The following ZIC4 variants were observed in gnomAD, a reference collection of about 807,000 sequenced individuals.
ZIC4 encodes zinc finger protein ZIC 4.
ZIC4 carries 15 observed loss-of-function variants against 28.8 expected under a neutral mutation model. The ratio of observed to expected loss-of-function variants is 0.52; its 90% CI spans 0.35 to 0.80. ZIC4 has a LOEUF of 0.80. ZIC4 is among the 30% of genes least tolerant of loss of function. The pLI is 0.01. For synonymous variants in ZIC4, 220 were observed against 198.1 expected (o/e 1.11, Z -0.93); for missense variants, 512 against 467.1 (o/e 1.10, Z -0.89).
chr3:147,401,007 C>T (rs1302742833), intron 2 of ZIC4, among the ~76,000 whole-genome samples: 1 of 152,158 alleles, frequency 6.6e-6, no homozygotes, highest in Non-Finnish European at 1.5e-5. Context: ...ATCTCACAAC[C>T]CACAGATCTT....
rs1434460393 is a variant in ZIC4 at position 147,386,587 on chromosome 3, C to T, written c.*2272G>A. On this transcript the variant is annotated 3_prime_UTR_variant, in exon 5 of 5. Coordinates refer to ENST00000383075, the MANE Select transcript of ZIC4 (RefSeq NM_032153.6). ...TTCAGCACACACAGAGTAGGGGGACCAGCACATCCTTATTTATTTAAACCA... is the reference window on the plus strand; with the variant it reads ...TTCAGCACACACAGAGTAGGGGGACTAGCACATCCTTATTTATTTAAACCA... The T allele has an allele frequency of 1.3e-5, 2 of 152,542 alleles. No individual in the cohort carries two copies. The highest frequency in any genetic ancestry group is 2.9e-5 in the Non-Finnish European group (2 of 68,036). The allele number at this position is 152,542 out of a possible 1,614,324, so 9.4% of individuals were successfully genotyped here.
In ZIC4 at chr3:147,396,064, G is replaced by T. The variant is rs2087035171; in HGVS notation, c.476C>A (p.Thr159Asn). 1 of 1,614,148 alleles carries T rather than the reference G, an allele frequency of 6.2e-7. No individual in the cohort carries two copies. Among genetic ancestry groups the T allele is most frequent in the South Asian group, 1.1e-5 (1 of 91,086 alleles). ...TTCCGGGCCGCCGACGTGCTCCACG[G>T]TGACGTGCGTGACCAGCTCGTGCAT... ...STMHELVTHVTVEHVGGPEQA... is the reference protein window; with the variant it reads ...STMHELVTHVNVEHVGGPEQA... The change falls in exon 3 of 5, where the codon ACC becomes AAC. Residue 159 changes from threonine to asparagine, a missense_variant. By Grantham distance (65) the Thr-to-Asn change is moderately conservative. Around this residue, in one of 3 missense-constraint regions of ZIC4, gnomAD observed 310 missense variants for 256.5 expected, o/e 1.21. Coordinates refer to ENST00000383075, the MANE Select transcript of ZIC4 (RefSeq NM_032153.6). The surrounding 1 kb of genome is among the most constrained non-coding windows in gnomAD (Gnocchi z 4.2).
Position 147,388,532 on chromosome 3 carries a change from C to T in ZIC4, c.*327G>A, listed in dbSNP as rs2279829. 0.22 allele frequency: 82,027 copies of T among 373,296 alleles called. 9,402 individuals carry two copies. The highest frequency in any genetic ancestry group is 0.28 in the South Asian group (2,506 of 8,884). The allele number at this position is 373,296 out of a possible 1,614,324, so 23.1% of individuals were successfully genotyped here. ...TTTTTATTATGATCGGGTACAAGTG[C>T]CCATTCGCGTGGGTTTTGTTTACCG... is the stretch of plus-strand genomic sequence containing the variant. On this transcript the variant is annotated 3_prime_UTR_variant, in exon 5 of 5. Transcript: ENST00000383075.
In ZIC4 at chr3:147,391,244, C is replaced by A; in HGVS notation, c.691G>T (p.Glu231Ter). 6.3e-7 allele frequency: 1 copy of A among 1,580,048 alleles called. No homozygotes were observed. The highest frequency in any genetic ancestry group is 8.6e-7 in the Non-Finnish European group (1 of 1,157,138). Residue 231 changes from glutamate to a stop codon, truncating the protein, a stop_gained and splice_region_variant, in exon 4 of 5, where the codon GAG becomes TAG. Coordinates refer to ENST00000383075, the MANE Select transcript of ZIC4 (RefSeq NM_032153.6). LOFTEE classifies it high-confidence loss of function. ...TCGAACTCGCATCTGAAGGGCTTCTCGCCTGGCGGAGGCAACGCAGAGACA... is the reference window on the plus strand; with the variant it reads ...TCGAACTCGCATCTGAAGGGCTTCTAGCCTGGCGGAGGCAACGCAGAGACA... The part of the protein sequence containing the change: ...LKIHKRTHTG[E>*]KPFRCEFEGC...
chr3:147,394,483 A>C (rs1038209102), intron 3 of ZIC4, among the ~76,000 whole-genome samples: 4 of 151,762 alleles, frequency 2.6e-5, no homozygotes, highest in Non-Finnish European at 4.4e-5. Context: ...AAAAAAAAAA[A>C]AAAACCCTGT....
At chr3:147,393,642 T>C (rs1000113616) in intron 3 of ZIC4, 4 of 291,952 alleles carry the variant, frequency 1.4e-5, no homozygotes, top group African/African-American at 9.1e-5. Context: ...GCCAGCGCCA[T>C]TTTCTCGCAC....
chr3:147,399,038 C>A (rs1270018477), intron 2 of ZIC4, among the ~76,000 whole-genome samples: 1 of 151,978 alleles, frequency 6.6e-6, no homozygotes, highest in Non-Finnish European at 1.5e-5. Context: ...TCTTTCTGCT[C>A]CTCCTACAGG....
At position 147,386,838 on chromosome 3, in the gene ZIC4, C is replaced by G. The variant is rs1255469257; in HGVS notation, c.*2021G>C. On this transcript the variant is annotated 3_prime_UTR_variant, in exon 5 of 5. Transcript: ENST00000383075. ...ATATCTCTCTCCTTCAGCTATTCTC[C>G]TTCTTATTAACGGCAGAAAGGGCTT... 6.6e-6 allele frequency: 1 copy of G among 152,210 alleles called. No individual in the cohort carries two copies. Among genetic ancestry groups the G allele is most frequent in the Admixed American group, 6.5e-5 (1 of 15,286 alleles). 9.4% of individuals were successfully genotyped at this position (152,210 alleles called of 1,614,324 possible).
rs1020240256 is a variant in ZIC4 at position 147,388,782 on chromosome 3, C to T, written c.*77G>A. 11 of 759,734 alleles carry T rather than the reference C, an allele frequency of 1.4e-5. No individual in the cohort carries two copies. Among genetic ancestry groups the T allele is most frequent in the Non-Finnish European group, 2.4e-5 (10 of 411,220 alleles). The allele number at this position is 759,734 out of a possible 1,614,324, so 47.1% of individuals were successfully genotyped here. A position where few individuals can be genotyped will look rare whatever the true frequency, so the allele number is the denominator to read the frequency against. On this transcript the variant is annotated 3_prime_UTR_variant, in exon 5 of 5. Transcript: ENST00000383075. Reference sequence around the variant, plus strand: ...AGAAACACTGCTTTGTGCGCGGGCCCTTTGATGTAGCAGGCGCGAGATGCG... The same window carrying T: ...AGAAACACTGCTTTGTGCGCGGGCCTTTTGATGTAGCAGGCGCGAGATGCG...
intron 3 of ZIC4, chr3:147,392,531 T>C: frequency 4.9e-6 from 4 of 817,410 alleles, no homozygotes; most frequent in Non-Finnish European, 5.9e-6. Context: ...AGAAGGTTTC[T>C]GGGCGCTTTA....
At position 147,406,350 on chromosome 3, in the gene ZIC4, C is replaced by A. The variant is rs1423296945; in HGVS notation, c.-16+13G>T. On this transcript the variant is annotated intron_variant, in intron 1 of 4. Transcript: ENST00000383075. ...AGTTCTCATCTGTCTGCCCCCTGGACTCACGCACTTACCCCACTCCACCTG... is the reference window on the plus strand; with the variant it reads ...AGTTCTCATCTGTCTGCCCCCTGGAATCACGCACTTACCCCACTCCACCTG... The A allele has an allele frequency of 6.6e-6, 1 of 152,556 alleles. No homozygotes were observed. The highest frequency in any genetic ancestry group is 6.5e-5 in the Admixed American group (1 of 15,288). The allele number at this position is 152,556 out of a possible 1,614,324, so 9.5% of individuals were successfully genotyped here. A position where few individuals can be genotyped will look rare whatever the true frequency, so the allele number is the denominator to read the frequency against.
At chr3:147,401,096 A>G (rs1475352222) in intron 2 of ZIC4, among the ~76,000 whole-genome samples, 1 of 152,192 alleles carries the variant, frequency 6.6e-6, no homozygotes, top group East Asian at 1.9e-4. Context: ...CTAGACCCCA[A>G]ATATCTCTTG....
intron 1 of ZIC4, chr3:147,405,364 A>AAAC (rs1156702520): frequency 6.5e-7 from 1 of 1,534,480 alleles, no homozygotes; most frequent in Non-Finnish European, 8.7e-7. Context: ...AAAGCGGGGA[A>AAAC]AACATGACCT....
chr3:147,399,660 C>T (rs1434650539), intron 2 of ZIC4, among the ~76,000 whole-genome samples: 2 of 145,780 alleles, frequency 1.4e-5, no homozygotes, highest in Non-Finnish European at 3.0e-5. Context: ...TGCAAAAACA[C>T]GGATTTTTTT....
chr3:147,402,671 A>T, intron 2 of ZIC4, 57 bp downstream of exon 2: 1 of 1,446,696 alleles, frequency 6.9e-7, no homozygotes, highest in South Asian at 1.3e-5. Context: ...AAAAAAAAAG[A>T]AGAAGAAGAA....
At position 147,396,417 on chromosome 3, in the gene ZIC4, C is replaced by G; in HGVS notation, c.123G>C (p.Ser41=). 1 of 1,523,006 alleles carries G rather than the reference C, an allele frequency of 6.6e-7. No homozygotes were observed. Among genetic ancestry groups the G allele is most frequent in the Non-Finnish European group, 8.8e-7 (1 of 1,139,332 alleles). The allele number at this position is 1,523,006 out of a possible 1,614,324, so 94.3% of individuals were successfully genotyped here. The change falls in exon 3 of 5, where the codon TCG becomes TCC. Residue 41 remains serine, a synonymous_variant. Coordinates refer to ENST00000383075, the MANE Select transcript of ZIC4 (RefSeq NM_032153.6). The surrounding 1 kb of genome is among the most constrained non-coding windows in gnomAD (Gnocchi z 4.2). ...GPQLTAASSP[S]VFPGLHEEPP... is the part of the protein sequence containing the mutation. Reference sequence around the variant, plus strand: ...GCTCCTCGTGGAGGCCCGGGAACACCGAGGGGCTGGAGGCGGCGGTGAGCT... The same window carrying G: ...GCTCCTCGTGGAGGCCCGGGAACACGGAGGGGCTGGAGGCGGCGGTGAGCT...
rs2086846421 is a variant in ZIC4 at position 147,388,792 on chromosome 3, G to A, written c.*67C>T. 2.2e-5 allele frequency: 17 copies of A among 766,410 alleles called. No individual in the cohort carries two copies. The highest frequency in any genetic ancestry group is 5.0e-4 in the Middle Eastern group (2 of 4,022). 47.5% of individuals were successfully genotyped at this position (766,410 alleles called of 1,614,324 possible). On this transcript the variant is annotated 3_prime_UTR_variant, in exon 5 of 5. Transcript: ENST00000383075. ...CTTTGTGCGCGGGCCCTTTGATGTA[G>A]CAGGCGCGAGATGCGGGGCGCTCAG...
chr3:147,402,482 C>T (rs981983736), intron 2 of ZIC4, among the ~76,000 whole-genome samples: 22 of 152,090 alleles, frequency 1.4e-4, no homozygotes, highest in African/African-American at 4.6e-4. Flanking sequence ...AATTCTGGAA[C>T]GTCCAGATGA....
In ZIC4 at chr3:147,405,464, C is replaced by T. The variant is rs1262905574; in HGVS notation, c.-16+899G>A. On this transcript the variant is annotated intron_variant, in intron 1 of 4. Coordinates refer to ENST00000383075, the MANE Select transcript of ZIC4 (RefSeq NM_032153.6). ...CGCTTTCCTAAGACTTTGACATGGG[C>T]CATTCATCAACCCCAACTTTCAGAT... 1.0e-5 allele frequency: 16 copies of T among 1,537,102 alleles called. No homozygotes were observed. In the Admixed American group the frequency reaches 2.9e-4, roughly 28 times the overall value.
Sources: gnomAD v4.1 joint callset for allele counts (sites outside exome capture counted in the v4.1 genomes callset) on GRCh38, gnomAD v4.1.1 for gene constraint, gnomAD v4.1.1 regional missense constraint, Gnocchi (gnomAD v3.1) non-coding constraint, MANE v1.5 for transcripts, NCBI Gene and HGNC (gene_info 2026-07-23, HGNC 2026-07-21) for gene names.